RASSF3: variants seen among roughly 807,000 people sequenced by gnomAD.
RASSF3 encodes Ras association domain family member 3, also known as ras association domain-containing protein 3.
In RASSF3, 19 loss-of-function variants were observed where a neutral mutation model predicts 19.9. The observed-to-expected ratio is 0.96, with a 90% confidence interval of 0.67 to 1.40. The LOEUF (loss-of-function observed/expected upper bound fraction) is 1.40, where lower values mean the gene tolerates loss of function less well. Ranked by LOEUF, RASSF3 falls within the 40% of genes most tolerant of loss-of-function variation. The pLI, the probability that RASSF3 is intolerant of heterozygous loss-of-function variation, is 0.00. For synonymous variants in RASSF3, 110 were observed against 104.2 expected, an observed-to-expected ratio of 1.06 and a Z score of -0.34; for missense variants, 306 against 289.8, an observed-to-expected ratio of 1.06 and a Z score of -0.41.
At chr12:64,517,834 G>C (rs1012483426) in intron 1 of RASSF3, among the ~76,000 whole-genome samples, 2 of 151,984 alleles carry the variant, frequency 1.3e-5, no homozygotes, top group Non-Finnish European at 2.9e-5. Context: ...GCCCAGGCTG[G>C]TCTTGAACTC....
At chr12:64,638,066 G>A (rs11175483) in intron 1 of RASSF3, among the ~76,000 whole-genome samples, 43,064 of 151,812 alleles carry the variant, frequency 0.28, 6,644 homozygotes, top group Non-Finnish European at 0.36. Flanking sequence ...TCTTGACCTC[G>A]TGATCTGCCC....
At chr12:64,544,251 G>T (rs972713829), downstream of RASSF3, among the ~76,000 whole-genome samples, 3 of 151,544 alleles carry the variant, frequency 2.0e-5, no homozygotes, top group Non-Finnish European at 2.9e-5. Context: ...CGGGAGGAAT[G>T]AACAACTCCA....
intron 2 of RASSF3, among the ~76,000 whole-genome samples, chr12:64,591,380 G>T (rs2136140690): frequency 6.6e-6 from 1 of 152,158 alleles, no homozygotes; most frequent in Non-Finnish European, 1.5e-5. Context: ...GGAGGCTGAG[G>T]CAGGAGAATT....
At chr12:64,593,648 A>T (rs1480252751) in intron 2 of RASSF3, among the ~76,000 whole-genome samples, 3 of 152,156 alleles carry the variant, frequency 2.0e-5, no homozygotes, top group South Asian at 2.1e-4. Context: ...CTAGCTGGGG[A>T]TATGAGGACA....
intron 1 of RASSF3, among the ~76,000 whole-genome samples, chr12:64,627,278 C>T (rs1335990589): frequency 1.3e-5 from 2 of 152,202 alleles, no homozygotes; most frequent in African/African-American, 4.8e-5. Context: ...TCTTCTATGT[C>T]TGCTTTTATC....
chr12:64,554,330 G>A (rs1336978913), intron 2 of RASSF3, among the ~76,000 whole-genome samples: 1 of 152,110 alleles, frequency 6.6e-6, no homozygotes, highest in East Asian at 1.9e-4. Context: ...TTGAGATGGA[G>A]TTTCACTCTT....
chr12:64,544,064 G>A (rs956520170), downstream of RASSF3, among the ~76,000 whole-genome samples: 1 of 152,148 alleles, frequency 6.6e-6, no homozygotes, highest in Non-Finnish European at 1.5e-5. Context: ...GCCAGAGCAC[G>A]CCTTGGCACC....
At chr12:64,645,321 C>G (rs1227601822) in intron 1 of RASSF3, among the ~76,000 whole-genome samples, 1 of 151,838 alleles carries the variant, frequency 6.6e-6, no homozygotes. Flanking sequence ...CTATTATCAC[C>G]CTCATTTATA....
intron 1 of RASSF3, among the ~76,000 whole-genome samples, chr12:64,669,243 C>T (rs1872621673): frequency 6.6e-6 from 1 of 152,058 alleles, no homozygotes; most frequent in African/African-American, 2.4e-5. Context: ...TGAACAAGTT[C>T]CTAGGGGAGG....
intron 1 of RASSF3, among the ~76,000 whole-genome samples, chr12:64,621,826 G>C (rs1334212259): frequency 6.6e-6 from 1 of 152,080 alleles, no homozygotes; most frequent in Non-Finnish European, 1.5e-5. Flanking sequence ...CTGAAACTCA[G>C]AAAAATACTT....
At chr12:64,618,383 G>C (rs1322294097) in intron 1 of RASSF3, among the ~76,000 whole-genome samples, 3 of 152,144 alleles carry the variant, frequency 2.0e-5, no homozygotes. Flanking sequence ...CTGGAGTGCA[G>C]TGGCGTGATC....
At position 64,610,559 on chromosome 12, in the gene RASSF3, C is replaced by T. The variant is rs1870308883; in HGVS notation, c.-74C>T. 13 of 706,114 alleles carry T rather than the reference C, an allele frequency of 1.8e-5. No individual in the cohort carries two copies. The highest frequency in any genetic ancestry group is 4.1e-4 in the Middle Eastern group (1 of 2,420). 43.7% of individuals were successfully genotyped at this position (706,114 alleles called of 1,614,324 possible). A position where few individuals can be genotyped will look rare whatever the true frequency, so the allele number is the denominator to read the frequency against. On this transcript the variant is annotated 5_prime_UTR_variant, in exon 1 of 5. Transcript: ENST00000542104. ...GCTGCGCGCCGGGAACCTCGCGGGG[C>T]TGGCGGGCGCCGCACCCCCTCCCTG...
upstream of RASSF3, among the ~76,000 whole-genome samples, chr12:64,528,637 A>G (rs543576641): frequency 6.6e-6 from 1 of 152,364 alleles, no homozygotes; most frequent in South Asian, 2.1e-4. Context: ...TAAATAGGCT[A>G]CAAAGGAAAC....
intron 1 of RASSF3, among the ~76,000 whole-genome samples, chr12:64,667,728 C>T (rs553842139): frequency 6.6e-6 from 1 of 152,278 alleles, no homozygotes; most frequent in East Asian, 1.9e-4. Flanking sequence ...TTATGCTGAT[C>T]AGGGTTAGAG....
chr12:64,628,415 A>G (rs1871062485), intron 1 of RASSF3: 1 of 152,226 alleles, frequency 6.6e-6, no homozygotes. Flanking sequence ...TTTAGCCACT[A>G]TACTTCCTGG....
At chr12:64,556,890 G>T (rs1869265571) in intron 2 of RASSF3, among the ~76,000 whole-genome samples, 2 of 141,814 alleles carry the variant, frequency 1.4e-5, no homozygotes, top group South Asian at 4.4e-4. Flanking sequence ...AGGCTGAAGT[G>T]CAGTGGTGCC....
downstream of RASSF3, among the ~76,000 whole-genome samples, chr12:64,542,153 A>C (rs1468631615): frequency 1.3e-5 from 2 of 152,056 alleles, no homozygotes; most frequent in Admixed American, 1.3e-4. Flanking sequence ...AATAAAAATA[A>C]AAATAAAAAT....
intron 2 of RASSF3, among the ~76,000 whole-genome samples, chr12:64,570,080 C>CTG (rs1236949621): frequency 6.6e-6 from 1 of 152,192 alleles, no homozygotes; most frequent in African/African-American, 2.4e-5. Flanking sequence ...TTGTGAACAA[C>CTG]TGTGGCTCAC....
chr12:64,545,439 TGAA>T (rs1418905409), downstream of RASSF3, among the ~76,000 whole-genome samples: 2 of 152,210 alleles, frequency 1.3e-5, no homozygotes, highest in African/African-American at 4.8e-5. Context: ...TAGAAAATGA[TGAA>T]GTATTTTGAT....
Sources: gnomAD v4.1 joint callset for allele counts (sites outside exome capture counted in the v4.1 genomes callset) on GRCh38, gnomAD v4.1.1 for gene constraint, MANE v1.5 for transcripts, NCBI Gene and HGNC (gene_info 2026-07-23, HGNC 2026-07-21) for gene names.